The following LIPI variants were observed in gnomAD, a reference collection of about 807,000 sequenced individuals.
LIPI encodes lipase member I.
LIPI carries 59 observed loss-of-function variants against 50.6 expected under a neutral mutation model. That is an observed-to-expected ratio of 1.16 (90% confidence interval 0.94 to 1.45). The LOEUF is 1.45. Among genes scored for constraint, LIPI ranks in the 40% most tolerant of loss-of-function variants. The pLI is 0.00. For synonymous variants in LIPI, 203 were observed against 178.2 expected (o/e 1.14, Z -1.11); for missense variants, 586 against 536.3 (o/e 1.09, Z -0.92).
intron 1 of LIPI, among the ~76,000 whole-genome samples, chr21:14,203,258 T>G (rs1462680069): frequency 6.6e-6 from 1 of 152,062 alleles, no homozygotes; most frequent in Non-Finnish European, 1.5e-5. Context: ...AGTTCAACCA[T>G]TGTGGAAGTC....
intron 9 of LIPI, among the ~76,000 whole-genome samples, chr21:14,142,670 G>T (rs1284227568): frequency 1.3e-5 from 2 of 151,346 alleles, no homozygotes; most frequent in Non-Finnish European, 2.9e-5. Context: ...TTTTTGTAGA[G>T]ATAGGATTTT....
At chr21:14,201,506 C>A (rs2020052286) in intron 1 of LIPI, among the ~76,000 whole-genome samples, 1 of 152,060 alleles carries the variant, frequency 6.6e-6, no homozygotes, top group African/African-American at 2.4e-5. Flanking sequence ...TGGGCTTCAT[C>A]CCTGGCATGC....
chr21:14,165,551 A>G (rs1456553611), intron 5 of LIPI, among the ~76,000 whole-genome samples, 161 bp from the exon 6 acceptor site: 2 of 152,258 alleles, frequency 1.3e-5, no homozygotes, highest in Non-Finnish European at 2.9e-5. Flanking sequence ...AACAAATAGT[A>G]CCAATGAAAA....
At chr21:14,163,764 G>A (rs2018578129) in intron 6 of LIPI, among the ~76,000 whole-genome samples, 1 of 151,814 alleles carries the variant, frequency 6.6e-6, no homozygotes, top group South Asian at 2.1e-4. Context: ...TCAGAGCTTA[G>A]CATACTCCAT....
intron 8 of LIPI, among the ~76,000 whole-genome samples, chr21:14,152,262 A>G (rs1183514931): frequency 1.3e-5 from 2 of 151,862 alleles, no homozygotes; most frequent in African/African-American, 4.8e-5. Context: ...CACCATGCCC[A>G]GCTAATTTTC....
At chr21:14,116,650 T>C (rs2016653513) in intron 9 of LIPI, among the ~76,000 whole-genome samples, 1 of 152,108 alleles carries the variant, frequency 6.6e-6, no homozygotes, top group Admixed American at 6.6e-5. Context: ...ATGGAAATAA[T>C]TGGCCAAGTG....
intron 1 of LIPI, chr21:14,206,764 T>G (rs1196523727): frequency 1.8e-6 from 2 of 1,099,416 alleles, no homozygotes; most frequent in Non-Finnish European, 2.7e-6. Flanking sequence ...TTATATTTCC[T>G]CTTCTTTTCT....
At chr21:14,160,214 C>G (rs2018414081) in intron 7 of LIPI, among the ~76,000 whole-genome samples, 1 of 151,228 alleles carries the variant, frequency 6.6e-6, no homozygotes, top group South Asian at 2.1e-4. Flanking sequence ...AATCAGTCTA[C>G]TTGATATTAA....
intron 9 of LIPI, among the ~76,000 whole-genome samples, chr21:14,128,138 ACT>A (rs1486437701): frequency 6.6e-6 from 1 of 152,028 alleles, no homozygotes; most frequent in East Asian, 1.9e-4. Flanking sequence ...ACACACAGAC[ACT>A]GTGTCATATA....
At chr21:14,144,381 T>G (rs2017825059) in intron 9 of LIPI, 1 of 329,098 alleles carries the variant, frequency 3.0e-6, no homozygotes. Flanking sequence ...TTATCTTTAT[T>G]GTGTCTGTGA....
At chr21:14,189,913 T>C (rs565761701) in intron 1 of LIPI, among the ~76,000 whole-genome samples, 72 of 152,208 alleles carry the variant, frequency 4.7e-4, no homozygotes, top group African/African-American at 1.5e-3. Context: ...TAATATAACA[T>C]GAATGTTGAG....
rs550674859 is a variant in LIPI, at chr21:14,153,340, T to C, written c.1007-656A>G. The stretch of plus-strand genomic sequence containing the variant: ...ACAGAACGGATTTATAATTGGATTT[T>C]CCCCATTTCTGACACAAGAGGTATA... On this transcript the variant is annotated intron_variant, in intron 7 of 9. Coordinates refer to ENST00000681601, the MANE Select transcript of LIPI (RefSeq NM_001302998.2). 3.3e-5 allele frequency among the ~76,000 whole-genome samples: 5 copies of C among 152,306 alleles called. No individual in the cohort carries two copies. In the South Asian group the frequency reaches 1.0e-3, roughly 32 times the overall value.
At chr21:14,125,028 C>A (rs1169109755) in intron 9 of LIPI, among the ~76,000 whole-genome samples, 1 of 152,000 alleles carries the variant, frequency 6.6e-6, no homozygotes, top group Non-Finnish European at 1.5e-5. Context: ...ATTATATACC[C>A]AGAGAAATTA....
intron 4 of LIPI, among the ~76,000 whole-genome samples, chr21:14,172,416 C>T (rs1156842716): frequency 3.9e-5 from 6 of 152,086 alleles, no homozygotes; most frequent in East Asian, 3.8e-4. Flanking sequence ...CACATGCACA[C>T]GTATGTTTAT....
intron 9 of LIPI, among the ~76,000 whole-genome samples, chr21:14,143,045 TAC>T (rs1470239385): frequency 6.6e-6 from 1 of 152,144 alleles, no homozygotes; most frequent in East Asian, 1.9e-4. Flanking sequence ...GAAATATGCC[TAC>T]TCCACAATTG....
At chr21:14,146,847 C>T (rs751227256) in intron 8 of LIPI, among the ~76,000 whole-genome samples, 10 of 132,674 alleles carry the variant, frequency 7.5e-5, no homozygotes, top group African/African-American at 2.9e-4. Context: ...GGTGCAATCT[C>T]GGCTCACTGA....
intron 9 of LIPI, among the ~76,000 whole-genome samples, chr21:14,134,038 CA>C (rs1189154141): frequency 6.6e-6 from 1 of 151,940 alleles, no homozygotes; most frequent in Non-Finnish European, 1.5e-5. Context: ...TCAGCCTGGG[CA>C]ACATAGGGAC....
At chr21:14,133,568 A>G (rs1236038213) in intron 9 of LIPI, among the ~76,000 whole-genome samples, 2 of 152,238 alleles carry the variant, frequency 1.3e-5, no homozygotes, top group Non-Finnish European at 2.9e-5. Context: ...TTGGAAAAAT[A>G]TAAGGAAGTT....
intron 7 of LIPI, among the ~76,000 whole-genome samples, chr21:14,156,758 C>A (rs2018287572): frequency 6.6e-6 from 1 of 151,630 alleles, no homozygotes. Context: ...AATAGGAAAG[C>A]CTAGATTTCC....
Sources: gnomAD v4.1 joint callset for allele counts (sites outside exome capture counted in the v4.1 genomes callset) on GRCh38, gnomAD v4.1.1 for gene constraint, MANE v1.5 for transcripts, NCBI Gene and HGNC (gene_info 2026-07-23, HGNC 2026-07-21) for gene names.